Variants in COP1 observed in about 807,000 individuals in gnomAD.
COP1 encodes the protein COP1 E3 ubiquitin ligase.
A neutral mutation model predicts 101.3 loss-of-function variants in COP1; 24 were observed. That is an observed-to-expected ratio of 0.24 (90% CI 0.17 to 0.33). COP1 has a LOEUF of 0.33. Ranked by LOEUF, COP1 falls within the 10% of genes least tolerant of loss-of-function variation. The pLI, the probability that COP1 is intolerant of heterozygous loss-of-function variation, is 1.00. For synonymous variants in COP1, 347 were observed against 341.9 expected, an observed-to-expected ratio of 1.01 and a Z score of -0.17; for missense variants, 663 against 906.2, an observed-to-expected ratio of 0.73 and a Z score of 3.45.
chr1:175,994,659 T>C (rs374792431), intron 15 of COP1, among the ~76,000 whole-genome samples: 145 of 152,176 alleles, frequency 9.5e-4, no homozygotes, highest in Admixed American at 4.8e-3. Context: ...GGCCATTACA[T>C]AATGGTAAAG....
rs189143111 is a variant in COP1, at chr1:176,192,207, T to C, written c.408-7515A>G. Among the ~76,000 whole-genome samples the C allele has an allele frequency of 2.1e-4, 32 of 152,256 alleles. No homozygotes were observed. In the East Asian group the frequency reaches 5.8e-3, roughly 28 times the overall value. ...ATTCTTGATCTCTTCCTGGATTTTA[T>C]TCCATTCACACACTCCCAAGGCTCC... On this transcript the variant is annotated intron_variant, in intron 1 of 19. Coordinates refer to ENST00000367669, the MANE Select transcript of COP1 (RefSeq NM_022457.7).
At chr1:176,173,440 G>C (rs747372100) in intron 3 of COP1, among the ~76,000 whole-genome samples, 1 of 150,222 alleles carries the variant, frequency 6.7e-6, no homozygotes, top group Non-Finnish European at 1.5e-5. Context: ...GTTTGAGACC[G>C]GCCTGGAAAA....
chr1:176,020,527 G>T (rs1322439350), intron 15 of COP1, among the ~76,000 whole-genome samples: 1 of 151,390 alleles, frequency 6.6e-6, no homozygotes, highest in Non-Finnish European at 1.5e-5. Flanking sequence ...AAACTAGAAA[G>T]ATTAGCCAGG....
At chr1:175,972,490 G>C (rs12133268) in intron 18 of COP1, among the ~76,000 whole-genome samples, 9,579 of 139,184 alleles carry the variant, frequency 0.069, 429 homozygotes, top group Admixed American at 0.093. Context: ...TTTTGAGACA[G>C]AGTCTGGCTG....
intron 15 of COP1, among the ~76,000 whole-genome samples, chr1:176,010,124 C>T (rs1246042808): frequency 3.3e-5 from 5 of 152,112 alleles, no homozygotes; most frequent in Admixed American, 6.6e-5. Flanking sequence ...AAATGTTTCA[C>T]CATATTTGCT....
chr1:176,081,624 TAAG>T (rs1266231855), intron 10 of COP1, among the ~76,000 whole-genome samples: 1 of 152,056 alleles, frequency 6.6e-6, no homozygotes, highest in Non-Finnish European at 1.5e-5. Flanking sequence ...GTGAGGATAT[TAAG>T]AAGAGTACTG....
At chr1:176,080,603 A>AT (rs1422202029) in intron 11 of COP1, among the ~76,000 whole-genome samples, 1 of 152,184 alleles carries the variant, frequency 6.6e-6, no homozygotes, top group Non-Finnish European at 1.5e-5. Flanking sequence ...ATCCAAAGAT[A>AT]TTAAGAGAAT....
At chr1:176,147,963 G>A (rs562306115) in intron 6 of COP1, among the ~76,000 whole-genome samples, 13 of 152,088 alleles carry the variant, frequency 8.5e-5, no homozygotes, top group African/African-American at 2.2e-4. Context: ...GCAGTGGCGC[G>A]ATCTCGGCTC....
At chr1:176,041,142 C>T (rs555229004) in intron 14 of COP1, among the ~76,000 whole-genome samples, 87 of 152,096 alleles carry the variant, frequency 5.7e-4, no homozygotes, top group Middle Eastern at 3.4e-3. Context: ...TACAATGCAG[C>T]ACATAGAGAT....
At chr1:176,095,879 G>A (rs1293792394) in intron 9 of COP1, among the ~76,000 whole-genome samples, 1 of 152,002 alleles carries the variant, frequency 6.6e-6, no homozygotes, top group Non-Finnish European at 1.5e-5. Context: ...AATCTGTTAA[G>A]AATCAGTTCA....
intron 3 of COP1, among the ~76,000 whole-genome samples, chr1:176,174,150 T>C (rs768920874): frequency 5.3e-4 from 80 of 152,244 alleles, no homozygotes; most frequent in Middle Eastern, 3.4e-3. Context: ...TAAGGAATGT[T>C]GCCTGAAAAA....
chr1:176,100,250 G>A, intron 9 of COP1: 1 of 247,988 alleles, frequency 4.0e-6, no homozygotes, highest in South Asian at 3.6e-5. Context: ...CTTACCAGGT[G>A]TGGAGGCAGG....
intron 9 of COP1, among the ~76,000 whole-genome samples, chr1:176,105,920 A>T (rs1684219652): frequency 6.6e-6 from 1 of 152,202 alleles, no homozygotes; most frequent in Non-Finnish European, 1.5e-5. Flanking sequence ...AAGAGATCTA[A>T]CCTAACTGAC....
At chr1:176,151,331 GAAAGAAGGAAGGAAAGAAAGAAAAAGAA>G (rs1572541125) in intron 5 of COP1, among the ~76,000 whole-genome samples, 2 of 135,414 alleles carry the variant, frequency 1.5e-5, no homozygotes, top group East Asian at 4.4e-4. Context: ...AGGAAAGAAA[GAAAGAAGGAAGGAAAGAAAGAAAAAGAA>G]AGAAAGAAAG....
intron 18 of COP1, among the ~76,000 whole-genome samples, chr1:175,973,789 A>G (rs1327715287): frequency 6.6e-6 from 1 of 152,232 alleles, no homozygotes; most frequent in Non-Finnish European, 1.5e-5. Flanking sequence ...AAAACTCAGC[A>G]TTGTGCAAAG....
At chr1:175,987,535 A>C (rs954873630) in intron 17 of COP1, among the ~76,000 whole-genome samples, 2 of 152,226 alleles carry the variant, frequency 1.3e-5, no homozygotes, top group African/African-American at 2.4e-5. Context: ...GGCAACACTT[A>C]CACAGGCAGA....
intron 8 of COP1, among the ~76,000 whole-genome samples, chr1:176,124,881 C>A (rs999882737): frequency 6.6e-6 from 1 of 152,202 alleles, no homozygotes; most frequent in Non-Finnish European, 1.5e-5. Flanking sequence ...TACATTCCCA[C>A]CAGCACCATA....
intron 15 of COP1, among the ~76,000 whole-genome samples, chr1:176,019,503 A>C (rs1392366063): frequency 4.3e-4 from 59 of 138,804 alleles, no homozygotes; most frequent in Middle Eastern, 4.0e-3. Context: ...TAATAATAAT[A>C]ATAACCATCA....
chr1:176,103,912 G>A (rs1315963382), intron 9 of COP1, among the ~76,000 whole-genome samples: 1 of 151,960 alleles, frequency 6.6e-6, no homozygotes, highest in African/African-American at 2.4e-5. Flanking sequence ...GCTTTTTTAG[G>A]GAGCTAGATA....
Sources: allele counts gnomAD v4.1 joint callset (sites outside exome capture counted in the v4.1 genomes callset), GRCh38; gene constraint gnomAD v4.1.1; transcripts MANE v1.5; gene names NCBI Gene and HGNC (gene_info 2026-07-23, HGNC 2026-07-21).